Variants in MACF1 observed in about 807,000 individuals in gnomAD.
MACF1 encodes microtubule actin crosslinking factor 1.
A neutral mutation model predicts 854.8 loss-of-function variants in MACF1; 193 were observed. The observed-to-expected ratio is 0.23, with a 90% CI of 0.20 to 0.25. The LOEUF is 0.25. Among genes scored for constraint, MACF1 ranks in the 10% least tolerant of loss-of-function variants. MACF1 has a pLI of 1.00. For missense variants in MACF1, 7,722 were observed against 8,929.1 expected (o/e 0.86, Z 5.45); for synonymous variants, 3,185 against 3,226.7 (o/e 0.99, Z 0.44).
At position 39,332,735 on chromosome 1, in the gene MACF1, A is replaced by G; in HGVS notation, c.6147A>G (p.Lys2049=). 1 of 1,614,210 alleles carries G rather than the reference A, an allele frequency of 6.2e-7. No individual in the cohort carries two copies. The highest frequency in any genetic ancestry group is 1.6e-4 in the Middle Eastern group (1 of 6,062). The change falls in exon 37 of 101, where the codon AAA becomes AAG. Residue 2049 remains lysine, a synonymous_variant. Coordinates refer to ENST00000564288, the MANE Select transcript of MACF1 (RefSeq NM_001394062.1). ...LPEFQFSSQN[K]EYPDREDCTT... is the part of the protein sequence containing the mutation. ...AGTTCCAGTTTTCTTCTCAGAACAA[A>G]GAATATCCCGATCGGGAAGATTGCA...
At position 39,241,458 on chromosome 1, in the gene MACF1, G is replaced by A. The variant is rs137898892; in HGVS notation, c.172-8556G>A. Among the ~76,000 whole-genome samples, 98 of 151,996 alleles carry A rather than the reference G, an allele frequency of 6.4e-4. No individual in the cohort carries two copies. The East Asian group carries it at 0.016, about 25-fold the overall frequency. Reference sequence around the variant, plus strand: ...GTGAATCACTTGAGGTCAGGCGTTCGGGACCAGCCTTACCAACATGGTGAA... The same window carrying A: ...GTGAATCACTTGAGGTCAGGCGTTCAGGACCAGCCTTACCAACATGGTGAA... On this transcript the variant is annotated intron_variant, in intron 2 of 100. Transcript: ENST00000564288.
Position 39,331,650 on chromosome 1 carries a change from G to A in MACF1, c.5062G>A (p.Val1688Ile). The change falls in exon 37 of 101, where the codon GTA (valine) becomes ATA (isoleucine). Residue 1688 changes from valine (V) to isoleucine (I), a missense_variant. Val to Ile is a conservative substitution (Grantham distance 29, BLOSUM62 3). Transcript: ENST00000564288. ...CCTCATTTCTGCATGGCTTCATTCA[G>A]TATTAGAGTCTTATCTTAGAACATC... is the stretch of plus-strand genomic sequence containing the variant. The part of the protein sequence containing the change: ...QGLISAWLHS[V>I]LESYLRTSKN... The A allele has an allele frequency of 1.2e-6, 2 of 1,614,148 alleles. No individual in the cohort carries two copies.
At chr1:39,262,206 A>G (rs1365002698) in intron 6 of MACF1, among the ~76,000 whole-genome samples, 2 of 152,054 alleles carry the variant, frequency 1.3e-5, no homozygotes, top group African/African-American at 4.8e-5. Flanking sequence ...GTTCAAGACC[A>G]GCCTGGCTAA....
intron 2 of MACF1, among the ~76,000 whole-genome samples, chr1:39,093,810 C>T (rs187718042): frequency 3.0e-4 from 44 of 148,996 alleles, no homozygotes; most frequent in African/African-American, 1.0e-3. Flanking sequence ...TTTTTTGAGA[C>T]GGAGTCTTGC....
chr1:39,441,142 G>A lies in MACF1; in HGVS notation c.18570+17G>A, dbSNP rs372593718. On this transcript the variant is annotated intron_variant, in intron 73 of 100. Transcript: ENST00000564288. ...ATTGATGAGGTGTGGAGAAATGGAT[G>A]AGGCACTCAGTTAGAACATTAGTGG... 6.2e-7 allele frequency: 1 copy of A among 1,614,068 alleles called. No homozygotes were observed. The highest frequency in any genetic ancestry group is 1.3e-5 in the African/African-American group (1 of 74,934).
chr1:39,381,378 T>G (rs61010279), intron 55 of MACF1, among the ~76,000 whole-genome samples: 1,758 of 101,960 alleles, frequency 0.017, 12 homozygotes, highest in African/African-American at 0.039. Flanking sequence ...TTTTTTTTTT[T>G]GGGGGGGGGG....
chr1:39,452,685 C>T lies in MACF1; in HGVS notation c.20615C>T (p.Ala6872Val), dbSNP rs1257813204. The T allele has an allele frequency of 1.2e-5, 20 of 1,612,582 alleles. No homozygotes were observed. The Admixed American group carries it at 3.0e-4, about 24-fold the overall frequency. The change falls in exon 87 of 101, where the codon GCG becomes GTG. Residue 6872 changes from alanine (A) to valine (V), a missense_variant and splice_region_variant. Ala to Val is a moderately conservative substitution (Grantham distance 64). Transcript: ENST00000564288. The part of the protein sequence containing the change: ...QSRLEQALKQ[A>V]EVFRDTVHML... ...ATCTTTTGTGCTTGGTTATTTCAGG[C>T]GGAAGTGTTTCGAGACACAGTCCAC...
intron 6 of MACF1, among the ~76,000 whole-genome samples, chr1:39,260,964 A>G (rs1645157553): frequency 6.6e-6 from 1 of 152,080 alleles, no homozygotes; most frequent in Non-Finnish European, 1.5e-5. Context: ...TGACAATATG[A>G]ATGTTATTGT....
At chr1:39,251,426 T>C (rs1044882938) in intron 3 of MACF1, among the ~76,000 whole-genome samples, 5 of 152,216 alleles carry the variant, frequency 3.3e-5, no homozygotes, top group Admixed American at 6.5e-5. Flanking sequence ...TGAAAAGTGA[T>C]CTTTTTTGGT....
chr1:39,306,440 A>T (rs2148426561), intron 23 of MACF1, among the ~76,000 whole-genome samples: 1 of 151,808 alleles, frequency 6.6e-6, no homozygotes, highest in African/African-American at 2.4e-5. Flanking sequence ...TGTTTTATTT[A>T]CTTTCTTATA....
rs751315719 is a variant in MACF1 at position 39,484,699 on chromosome 1, G to A, written c.22380G>A (p.Pro7460=). The A allele has an allele frequency of 1.2e-5, 19 of 1,613,750 alleles. No homozygotes were observed. The highest frequency in any genetic ancestry group is 1.2e-4 in the Admixed American group (7 of 59,968). ...GTGATACCAGCAATAGTTCTTCCCC[G>A]GCCTCCACAGGTGCCAAAACTAATC... ...LAGDTSNSSS[P]ASTGAKTNRA... The change falls in exon 100 of 101, where the codon CCG becomes CCA. Residue 7460 remains proline (P), a synonymous_variant. Transcript: ENST00000564288.
intron 35 of MACF1, 42 bp from the exon 36 acceptor site, chr1:39,327,176 T>G (rs909945977): frequency 1.4e-6 from 2 of 1,478,106 alleles, no homozygotes; most frequent in Middle Eastern, 1.8e-4. Context: ...TTGGAGATTG[T>G]TTTTTTTTCT....
At position 39,387,244 on chromosome 1, in the gene MACF1, T is replaced by G. The variant is rs1641843233; in HGVS notation, c.14402T>G (p.Met4801Arg). 1 of 1,614,166 alleles carries G rather than the reference T, an allele frequency of 6.2e-7. No individual in the cohort carries two copies. Among genetic ancestry groups the G allele is most frequent in the Non-Finnish European group, 8.5e-7 (1 of 1,180,042 alleles). The change falls in exon 58 of 101, where the codon ATG (methionine) becomes AGG (arginine). Residue 4801 changes from methionine to arginine, a missense_variant. Transcript: ENST00000564288. ...ALASTQQFQQ[M>R]FDELRTWLDD... Reference sequence around the variant, plus strand: ...GCCAGCACCCAGCAGTTCCAGCAAATGTTTGATGAGTTGAGGACCTGGTTG... The same window carrying G: ...GCCAGCACCCAGCAGTTCCAGCAAAGGTTTGATGAGTTGAGGACCTGGTTG...
chr1:39,310,704 A>G, intron 25 of MACF1, 127 bp from the exon 26 acceptor site: 2 of 982,580 alleles, frequency 2.0e-6, no homozygotes, highest in Non-Finnish European at 2.9e-6. Context: ...ACAGTATGTG[A>G]AATTTAGGAT....
chr1:39,460,804 G>T lies in MACF1; in HGVS notation c.21523+10G>T. 1 of 1,613,924 alleles carries T rather than the reference G, an allele frequency of 6.2e-7. No homozygotes were observed. Among genetic ancestry groups the T allele is most frequent in the South Asian group, 1.1e-5 (1 of 91,080 alleles). On this transcript the variant is annotated intron_variant, in intron 92 of 100. Coordinates refer to ENST00000564288, the MANE Select transcript of MACF1 (RefSeq NM_001394062.1). The surrounding 1 kb of genome is among the most constrained non-coding windows in gnomAD (Gnocchi z 4.1). The stretch of plus-strand genomic sequence containing the variant: ...GGCATTTTAGCATCCAGTGAGTCTA[G>T]TCATCATTCCAAACATGGGTCACAC...
intron 2 of MACF1, among the ~76,000 whole-genome samples, chr1:39,237,430 C>CTT (rs1644871952): frequency 6.6e-6 from 1 of 152,214 alleles, no homozygotes. Flanking sequence ...GCACATAGCA[C>CTT]ATGAGAAGTA....
chr1:39,434,070 A>G (rs954900895), intron 68 of MACF1, among the ~76,000 whole-genome samples: 5 of 152,070 alleles, frequency 3.3e-5, no homozygotes, highest in African/African-American at 1.2e-4. Context: ...ACAGAGTGAG[A>G]CTCTGTCTCA....
chr1:39,235,366 G>C (rs1325883838), intron 2 of MACF1, among the ~76,000 whole-genome samples: 1 of 152,230 alleles, frequency 6.6e-6, no homozygotes, highest in Non-Finnish European at 1.5e-5. Flanking sequence ...GTGGTGGCGC[G>C]AGCCTGCAAT....
chr1:39,268,099 C>T (rs193011222), intron 6 of MACF1, among the ~76,000 whole-genome samples: 2 of 152,194 alleles, frequency 1.3e-5, no homozygotes, highest in African/African-American at 2.4e-5. Context: ...AGTTTGGGAG[C>T]CATAATTGCA....
Sources: allele counts gnomAD v4.1 joint callset (sites outside exome capture counted in the v4.1 genomes callset), GRCh38; gene constraint gnomAD v4.1.1; non-coding constraint Gnocchi (gnomAD v3.1); transcripts MANE v1.5; gene names NCBI Gene and HGNC (gene_info 2026-07-23, HGNC 2026-07-21).